Variants in CHD3 observed in about 807,000 individuals in gnomAD.
The protein encoded by CHD3 is chromodomain helicase DNA binding protein 3, also known as ATP-dependent chromatin remodeler CHD3.
In CHD3, 52 loss-of-function variants were observed where a neutral mutation model predicts 248.9. The ratio of observed to expected loss-of-function variants is 0.21; its 90% confidence interval spans 0.17 to 0.26. The LOEUF is 0.26. CHD3 is among the 10% of genes least tolerant of loss of function. The probability of loss-of-function intolerance (pLI) is 1.00; values close to 1 mark genes in which losing one functional copy is unlikely to be tolerated. For missense variants in CHD3, 1,482 were observed against 2,605.8 expected, an observed-to-expected ratio of 0.57 and a Z score of 9.39; for synonymous variants, 985 against 985.2, an observed-to-expected ratio of 1.00 and a Z score of 0.00.
At position 7,907,710 on chromosome 17, in the gene CHD3, G is replaced by T. The variant is rs1400326385; in HGVS notation, c.5026+8G>T. 2 of 1,526,924 alleles carry T rather than the reference G, an allele frequency of 1.3e-6. No homozygotes were observed. Among genetic ancestry groups the T allele is most frequent in the South Asian group, 1.3e-5 (1 of 79,382 alleles). 94.6% of individuals were successfully genotyped at this position (1,526,924 alleles called of 1,614,324 possible). On this transcript the variant is annotated splice_region_variant and intron_variant, in intron 33 of 39. Coordinates refer to ENST00000330494, the MANE Select transcript of CHD3 (RefSeq NM_001005273.3). The surrounding 1 kb of genome is among the most constrained non-coding windows in gnomAD (Gnocchi z 4.3). ...GGGATTTGGGCAAGAGAGGTAATGGGTGGAAGGGACCGGACACCTGGGTCC... is the reference window on the plus strand; with the variant it reads ...GGGATTTGGGCAAGAGAGGTAATGGTTGGAAGGGACCGGACACCTGGGTCC...
chr17:7,910,608 CT>C lies in CHD3; in HGVS notation c.5754+18del, dbSNP rs778966668. 11 of 1,598,270 alleles carry C rather than the reference CT, an allele frequency of 6.9e-6. No individual in the cohort carries two copies. The highest frequency in any genetic ancestry group is 2.2e-5 in the East Asian group (1 of 44,712). ...CCCACACCGGTAACCCTCTTTCCCC[CT>C]AGCTCCAGTTTTCCCTGTTTGTGTT... is the stretch of plus-strand genomic sequence containing the variant. On this transcript the variant is annotated intron_variant, in intron 38 of 39. Coordinates refer to ENST00000330494, the MANE Select transcript of CHD3 (RefSeq NM_001005273.3). The surrounding 1 kb of genome is among the most constrained non-coding windows in gnomAD (Gnocchi z 4.7).
In CHD3 at chr17:7,910,966, C is replaced by T. The variant is rs200997129; in HGVS notation, c.5874C>T (p.Phe1958=). ...ACAGCCAGATGCCTGCAGGGTCCTT[C>T]ATCACAGGTCAGCTGGTGTTTTCCT... ...ANYSQMPAGS[F]ITAATNGPPV... is the part of the protein sequence containing the mutation. Residue 1958 remains phenylalanine, a synonymous_variant, in exon 39 of 40, where the codon TTC becomes TTT. Coordinates refer to ENST00000330494, the MANE Select transcript of CHD3 (RefSeq NM_001005273.3). This position sits in a 1 kb window ranked among gnomAD's most constrained non-coding sequence, Gnocchi z 4.7. 168 of 1,612,656 alleles carry T rather than the reference C, an allele frequency of 1.0e-4. No individual in the cohort carries two copies. The highest frequency in any genetic ancestry group is 1.4e-4 in the Non-Finnish European group (162 of 1,179,528).
intron 13 of CHD3, 63 bp downstream of exon 13, chr17:7,898,658 G>C (rs1471435603): frequency 7.9e-7 from 1 of 1,262,522 alleles, no homozygotes; most frequent in African/African-American, 1.5e-5. Flanking sequence ...TTTTCCAAGG[G>C]CTACTGATGG....
intron 10 of CHD3, among the ~76,000 whole-genome samples, chr17:7,896,070 AC>A (rs1400208840): frequency 1.3e-5 from 2 of 151,910 alleles, no homozygotes; most frequent in Non-Finnish European, 2.9e-5. Context: ...TACTAAAAAT[AC>A]AAAAAAATTA....
chr17:7,909,592 G>C lies in CHD3; in HGVS notation c.5590+254G>C. On this transcript the variant is annotated intron_variant, in intron 37 of 39. Coordinates refer to ENST00000330494, the MANE Select transcript of CHD3 (RefSeq NM_001005273.3). The surrounding 1 kb of genome is among the most constrained non-coding windows in gnomAD (Gnocchi z 8.1). Reference sequence around the variant, plus strand: ...TAGAGGGACCTGCCCCAGCCTCTGTGTCCCCTCCACACAGTGGGGCCTCTT... The same window carrying C: ...TAGAGGGACCTGCCCCAGCCTCTGTCTCCCCTCCACACAGTGGGGCCTCTT... 1.8e-6 allele frequency: 1 copy of C among 551,150 alleles called. No homozygotes were observed. The allele number at this position is 551,150 out of a possible 1,614,324, so 34.1% of individuals were successfully genotyped here. A position where few individuals can be genotyped will look rare whatever the true frequency, so the allele number is the denominator to read the frequency against.
chr17:7,911,541 C>A lies in CHD3; in HGVS notation c.5959C>A (p.Arg1987=). 1 of 1,614,196 alleles carries A rather than the reference C, an allele frequency of 6.2e-7. No individual in the cohort carries two copies. Among genetic ancestry groups the A allele is most frequent in the Non-Finnish European group, 8.5e-7 (1 of 1,180,022 alleles). ...GGCATTGGTGTCAGACGGGCTGGAT[C>A]GGAAGGAGCCCCGAGCCGGGGAGGT... ...VGALVSDGLD[R]KEPRAGEVIC... The change falls in exon 40 of 40, where the codon CGG becomes AGG. Residue 1987 remains arginine, a synonymous_variant. Coordinates refer to ENST00000330494, the MANE Select transcript of CHD3 (RefSeq NM_001005273.3). This position sits in a 1 kb window ranked among gnomAD's most constrained non-coding sequence, Gnocchi z 5.4.
intron 4 of CHD3, 111 bp downstream of exon 4, chr17:7,891,175 G>C: frequency 7.9e-7 from 1 of 1,261,112 alleles, no homozygotes; most frequent in Non-Finnish European, 1.1e-6. Context: ...AGAATTCACG[G>C]TGTATACACA....
chr17:7,899,642 C>T lies in CHD3; in HGVS notation c.2544+99C>T. The T allele has an allele frequency of 8.0e-7, 1 of 1,257,556 alleles. No individual in the cohort carries two copies. Among genetic ancestry groups the T allele is most frequent in the African/African-American group, 1.5e-5 (1 of 67,844 alleles). 77.9% of individuals were successfully genotyped at this position (1,257,556 alleles called of 1,614,324 possible). A position where few individuals can be genotyped will look rare whatever the true frequency, so the allele number is the denominator to read the frequency against. ...TCTCTATTCCCCTCCTCACCTTTCT[C>T]CTCTTCCTCCACCTGTCCTCCTGTC... On this transcript the variant is annotated intron_variant, in intron 15 of 39. Transcript: ENST00000330494. The surrounding 1 kb of genome is among the most constrained non-coding windows in gnomAD (Gnocchi z 6.8).
In CHD3 at chr17:7,911,933, T is replaced by G. The variant is rs1443491021; in HGVS notation, c.*348T>G. On this transcript the variant is annotated 3_prime_UTR_variant, in exon 40 of 40. Transcript: ENST00000330494. The surrounding 1 kb of genome is among the most constrained non-coding windows in gnomAD (Gnocchi z 5.4). ...GAAAGAGGTGGAGCCTCCCCAGCCGTTTCCCTGCAGAATCAGCTCTGTCTC... is the reference window on the plus strand; with the variant it reads ...GAAAGAGGTGGAGCCTCCCCAGCCGGTTCCCTGCAGAATCAGCTCTGTCTC... 2.6e-6 allele frequency: 1 copy of G among 385,320 alleles called. No individual in the cohort carries two copies. Among genetic ancestry groups the G allele is most frequent in the Non-Finnish European group, 4.8e-6 (1 of 207,790 alleles). The allele number at this position is 385,320 out of a possible 1,614,324, so 23.9% of individuals were successfully genotyped here. A position where few individuals can be genotyped will look rare whatever the true frequency, so the allele number is the denominator to read the frequency against.
Position 7,905,773 on chromosome 17 carries a change from T to C in CHD3, c.4224+67T>C. On this transcript the variant is annotated intron_variant, in intron 27 of 39. Transcript: ENST00000330494. The surrounding 1 kb of genome is among the most constrained non-coding windows in gnomAD (Gnocchi z 5.8). ...ATGAGGGCAGGAGGTTGGAAGTTGG[T>C]GCCTGGATCACTGAAGGTAGAAAGG... is the stretch of plus-strand genomic sequence containing the variant. 20 of 1,613,498 alleles carry C rather than the reference T, an allele frequency of 1.2e-5. No homozygotes were observed. The highest frequency in any genetic ancestry group is 1.7e-5 in the Non-Finnish European group (20 of 1,179,494).
chr17:7,888,489 G>A (rs578084733), upstream of CHD3, among the ~76,000 whole-genome samples: 25 of 152,296 alleles, frequency 1.6e-4, 2 homozygotes, highest in South Asian at 5.2e-3. Flanking sequence ...GTAGGGGAGG[G>A]ACGTGAACCA....
upstream of CHD3, among the ~76,000 whole-genome samples, chr17:7,887,427 G>A (rs1356818051): frequency 8.8e-6 from 1 of 113,564 alleles, no homozygotes; most frequent in African/African-American, 3.4e-5. Flanking sequence ...CAAGTCGAGA[G>A]AAATAATATA....
In CHD3 at chr17:7,906,730, C is replaced by T. The variant is rs964559012; in HGVS notation, c.4503+33C>T. ...TCTTCCTGTCACCCAAAGAATCAAG[C>T]TGGCTGCCTAGTCTCTGTCCTTCCT... On this transcript the variant is annotated intron_variant, in intron 29 of 39. Coordinates refer to ENST00000330494, the MANE Select transcript of CHD3 (RefSeq NM_001005273.3). The surrounding 1 kb of genome is among the most constrained non-coding windows in gnomAD (Gnocchi z 5.0). 4.4e-6 allele frequency: 7 copies of T among 1,587,140 alleles called. No homozygotes were observed. Among genetic ancestry groups the T allele is most frequent in the African/African-American group, 1.3e-5 (1 of 74,362 alleles).
In CHD3 at chr17:7,897,416, T is replaced by C; in HGVS notation, c.1919+122T>C. 5.7e-6 allele frequency: 5 copies of C among 873,240 alleles called. No homozygotes were observed. The highest frequency in any genetic ancestry group is 8.9e-6 in the Non-Finnish European group (5 of 564,560). 54.1% of individuals were successfully genotyped at this position (873,240 alleles called of 1,614,324 possible). A position where few individuals can be genotyped will look rare whatever the true frequency, so the allele number is the denominator to read the frequency against. ...TTGATCTAACCTTGATAACCTCTGC[T>C]GTAGCTCCAGCCTTTCTGGCCTTGT... On this transcript the variant is annotated intron_variant, in intron 11 of 39. Coordinates refer to ENST00000330494, the MANE Select transcript of CHD3 (RefSeq NM_001005273.3). This position sits in a 1 kb window ranked among gnomAD's most constrained non-coding sequence, Gnocchi z 4.8.
rs771507138 is a variant in CHD3 at position 7,890,942 on chromosome 17, A to G, written c.387A>G (p.Gln129=). The change falls in exon 4 of 40, where the codon CAA becomes CAG. Residue 129 remains glutamine (Q), a splice_region_variant and synonymous_variant. Transcript: ENST00000330494. ...TCACCAAAGCCCCTCTCCCGCAGCA[A>G]GTGGAACAGAAGTCATCAGCAACTC... ...KKGEGDGGQK[Q]VEQKSSATLL... is the part of the protein sequence containing the mutation. 10 of 1,613,956 alleles carry G rather than the reference A, an allele frequency of 6.2e-6. No individual in the cohort carries two copies. The East Asian group carries it at 1.8e-4, about 29-fold the overall frequency.
At chr17:7,887,925 C>G (rs899521764), upstream of CHD3, among the ~76,000 whole-genome samples, 1 of 152,222 alleles carries the variant, frequency 6.6e-6, no homozygotes, top group Non-Finnish European at 1.5e-5. Flanking sequence ...CCGACGCCTG[C>G]CCAAGTTCGG....
Position 7,907,828 on chromosome 17 carries a change from T to G in CHD3, c.5027-66T>G. On this transcript the variant is annotated intron_variant, in intron 33 of 39. Transcript: ENST00000330494. The surrounding 1 kb of genome is among the most constrained non-coding windows in gnomAD (Gnocchi z 4.3). ...AAAGGCCAGTACAGTACAGTACAGA[T>G]AGTAGTCTTGGGACCTGGGAGGAGG... The G allele has an allele frequency of 1.3e-6, 2 of 1,569,708 alleles. No homozygotes were observed. Among genetic ancestry groups the G allele is most frequent in the South Asian group, 1.2e-5 (1 of 86,422 alleles).
chr17:7,898,526 G>A lies in CHD3; in HGVS notation c.2082G>A (p.Gln694=). Residue 694 remains glutamine, a synonymous_variant, in exon 13 of 40, where the codon CAG becomes CAA. Coordinates refer to ENST00000330494, the MANE Select transcript of CHD3 (RefSeq NM_001005273.3). The part of the protein sequence containing the change: ...RELIMGEDPA[Q]PRKYKKKKKE... ...TAATTATGGGGGAAGACCCTGCCCA[G>A]CCCCGCAAGTATAAGAAGAAGAAGA... is the stretch of plus-strand genomic sequence containing the variant. 2.5e-6 allele frequency: 4 copies of A among 1,614,110 alleles called. No homozygotes were observed. The South Asian group carries it at 4.4e-5, about 18-fold the overall frequency.
At position 7,906,436 on chromosome 17, in the gene CHD3, C is replaced by T; in HGVS notation, c.4359-117C>T. The T allele has an allele frequency of 9.3e-7, 1 of 1,078,338 alleles. No homozygotes were observed. The highest frequency in any genetic ancestry group is 1.4e-6 in the Non-Finnish European group (1 of 725,312). The allele number at this position is 1,078,338 out of a possible 1,614,324, so 66.8% of individuals were successfully genotyped here. On this transcript the variant is annotated intron_variant, in intron 28 of 39. Transcript: ENST00000330494. The surrounding 1 kb of genome is among the most constrained non-coding windows in gnomAD (Gnocchi z 5.0). ...GAGTGAGAGGCCCAGGGGAGGAGCCCTGGAGCACCTGGGGATTTGGGGGTT... is the reference window on the plus strand; with the variant it reads ...GAGTGAGAGGCCCAGGGGAGGAGCCTTGGAGCACCTGGGGATTTGGGGGTT...
Sources: gnomAD v4.1 joint callset for allele counts (sites outside exome capture counted in the v4.1 genomes callset) on GRCh38, gnomAD v4.1.1 for gene constraint, Gnocchi (gnomAD v3.1) non-coding constraint, MANE v1.5 for transcripts, NCBI Gene and HGNC (gene_info 2026-07-23, HGNC 2026-07-21) for gene names.